The following PKD1L1 variants were observed in gnomAD, a reference collection of about 807,000 sequenced individuals.
PKD1L1 encodes the protein polycystin 1 like 1, transient receptor potential channel interacting, also known as polycystin-1-like protein 1.
Under a neutral mutation model 323.4 loss-of-function variants are expected in PKD1L1, and 236 were observed. That is an observed-to-expected ratio of 0.73 (90% CI 0.66 to 0.81). The LOEUF (loss-of-function observed/expected upper bound fraction) is 0.81. Among genes scored for constraint, PKD1L1 ranks in the 40% least tolerant of loss-of-function variants. PKD1L1 has a pLI of 0.00. For synonymous variants in PKD1L1, 1,344 were observed against 1,335.0 expected, an observed-to-expected ratio of 1.01 and a Z score of -0.15; for missense variants, 3,320 against 3,508.0, an observed-to-expected ratio of 0.95 and a Z score of 1.35.
intron 5 of PKD1L1, 92 bp from the exon 6 acceptor site, chr7:47,931,413 A>G (rs1046141870): frequency 2.0e-5 from 27 of 1,347,514 alleles, no homozygotes; most frequent in African/African-American, 1.3e-4. Flanking sequence ...CCAATTTAAC[A>G]AACAGCCCCA....
chr7:47,904,479 A>G lies in PKD1L1; in HGVS notation c.1830T>C (p.Phe610=), dbSNP rs772887236. 1 of 1,614,152 alleles carries G rather than the reference A, an allele frequency of 6.2e-7. No individual in the cohort carries two copies. Among genetic ancestry groups the G allele is most frequent in the Non-Finnish European group, 8.5e-7 (1 of 1,180,040 alleles). ...CTGTGCCGAAGTTGATCCAGCACTC[A>G]AAGGCCACACTGGCATTTACCAGAG... ...SSALVNASVA[F]ECWINFGTDV... Residue 610 remains phenylalanine (F), a synonymous_variant, in exon 12 of 57, where the codon TTT becomes TTC. Coordinates refer to ENST00000289672, the MANE Select transcript of PKD1L1 (RefSeq NM_138295.5).
At position 47,904,492 on chromosome 7, in the gene PKD1L1, G is replaced by C; in HGVS notation, c.1817C>G (p.Ala606Gly). The C allele has an allele frequency of 6.2e-7, 1 of 1,614,140 alleles. No homozygotes were observed. The highest frequency in any genetic ancestry group is 2.2e-5 in the East Asian group (1 of 44,882). The change falls in exon 12 of 57, where the codon GCC becomes GGC. Residue 606 changes from alanine (A) to glycine (G), a missense_variant. Physicochemically the swap from Ala to Gly is moderately conservative, Grantham distance 60 (BLOSUM62 0). Transcript: ENST00000289672. ...LTSPSSALVNASVAFECWINF... is the reference protein window; with the variant it reads ...LTSPSSALVNGSVAFECWINF... ...GATCCAGCACTCAAAGGCCACACTGGCATTTACCAGAGCTGAGGAGGGGGA... is the reference window on the plus strand; with the variant it reads ...GATCCAGCACTCAAAGGCCACACTGCCATTTACCAGAGCTGAGGAGGGGGA...
At chr7:47,932,791 AG>A (rs1173740298) in intron 4 of PKD1L1, among the ~76,000 whole-genome samples, 1 of 152,220 alleles carries the variant, frequency 6.6e-6, no homozygotes, top group African/African-American at 2.4e-5. Context: ...GGCTGTGGCA[AG>A]GCCAGGCCAG....
chr7:47,881,412 A>G (rs1441618073), intron 20 of PKD1L1, among the ~76,000 whole-genome samples: 1 of 152,238 alleles, frequency 6.6e-6, no homozygotes, highest in African/African-American at 2.4e-5. Context: ...TTATCTAAAA[A>G]TAGTGTGAAA....
Position 47,894,012 on chromosome 7 carries a change from C to T in PKD1L1, c.2319G>A (p.Leu773=). ...SVVYSNYCVG[L]EVRAQAPVSV... is the part of the protein sequence containing the mutation. Reference sequence around the variant, plus strand: ...TGACAGGGGCCTGGGCTCGCACCTCCAGGCCCACACAGTAGTTGCTGTACA... The same window carrying T: ...TGACAGGGGCCTGGGCTCGCACCTCTAGGCCCACACAGTAGTTGCTGTACA... Residue 773 remains leucine, a synonymous_variant, in exon 15 of 57, where the codon CTG becomes CTA. Transcript: ENST00000289672. 5 of 1,607,970 alleles carry T rather than the reference C, an allele frequency of 3.1e-6. No individual in the cohort carries two copies. The highest frequency in any genetic ancestry group is 1.7e-4 in the Middle Eastern group (1 of 6,008).
At chr7:47,792,158 G>A (rs1349478165) in intron 56 of PKD1L1, among the ~76,000 whole-genome samples, 3 of 152,128 alleles carry the variant, frequency 2.0e-5, no homozygotes, top group Non-Finnish European at 4.4e-5. Context: ...TCCAAACCAG[G>A]GGCCTTTGTT....
intron 46 of PKD1L1, 147 bp downstream of exon 46, chr7:47,820,929 A>C: frequency 1.8e-6 from 1 of 571,382 alleles, no homozygotes; most frequent in Non-Finnish European, 3.2e-6. Flanking sequence ...AAAGTCTGTG[A>C]ATGGAAGGGG....
intron 10 of PKD1L1, 84 bp downstream of exon 10, chr7:47,905,759 C>A: frequency 6.4e-7 from 1 of 1,559,338 alleles, no homozygotes; most frequent in Admixed American, 2.1e-5. Context: ...ATAACAAAAC[C>A]TGCTGCTGCC....
intron 21 of PKD1L1, among the ~76,000 whole-genome samples, chr7:47,878,791 C>T (rs894193371): frequency 1.3e-5 from 2 of 152,014 alleles, no homozygotes; most frequent in Admixed American, 6.6e-5. Context: ...CTGAAGAGCA[C>T]GGGAAGGGAG....
rs375403387 is a variant in PKD1L1 at position 47,892,458 on chromosome 7, C to A, written c.2453+1420G>T. Among the ~76,000 whole-genome samples, 11 of 152,124 alleles carry A rather than the reference C, an allele frequency of 7.2e-5. No homozygotes were observed. The South Asian group carries it at 1.7e-3, about 23-fold the overall frequency. On this transcript the variant is annotated intron_variant, in intron 15 of 56. Coordinates refer to ENST00000289672, the MANE Select transcript of PKD1L1 (RefSeq NM_138295.5). ...ATCATCCTCACTGGCACTGTGAGGACGTTGGCTTTTACTCTTGAGTAAAAA... is the reference window on the plus strand; with the variant it reads ...ATCATCCTCACTGGCACTGTGAGGAAGTTGGCTTTTACTCTTGAGTAAAAA...
chr7:47,955,879 TATAAC>T, the PKD1L1 span, among the ~76,000 whole-genome samples: 1 of 152,190 alleles, frequency 6.6e-6, no homozygotes, highest in African/African-American at 2.4e-5. Flanking sequence ...TATTTCCAGT[TATAAC>T]ATACCATTTT....
At chr7:47,830,554 T>C (rs1447574847) in intron 42 of PKD1L1, among the ~76,000 whole-genome samples, 3 of 152,162 alleles carry the variant, frequency 2.0e-5, no homozygotes, top group African/African-American at 7.2e-5. Context: ...AGAATTAAGC[T>C]CTCTGATGTT....
At chr7:47,938,237 C>CA in intron 3 of PKD1L1, among the ~76,000 whole-genome samples, 1 of 152,288 alleles carries the variant, frequency 6.6e-6, no homozygotes, top group East Asian at 1.9e-4. Context: ...AACTACAGGA[C>CA]ATCAGGTGCT....
chr7:47,937,307 C>T (rs1787890402), intron 3 of PKD1L1, among the ~76,000 whole-genome samples: 2 of 151,064 alleles, frequency 1.3e-5, no homozygotes, highest in Non-Finnish European at 2.9e-5. Context: ...CAGAGAAGGC[C>T]GCTGTGTGTG....
intron 50 of PKD1L1, 72 bp downstream of exon 50, chr7:47,811,745 G>C (rs1158071645): frequency 1.6e-6 from 2 of 1,288,202 alleles, no homozygotes; most frequent in Non-Finnish European, 2.2e-6. Flanking sequence ...CTGTCTGGTG[G>C]AGAAGCCCAG....
chr7:47,885,802 TC>T lies in PKD1L1; in HGVS notation c.3088del (p.Glu1030ArgfsTer8), dbSNP rs1786669078. Reference protein sequence around the residue: ...PPAGDSAVLGEAPEEGSLDLE... With the variant: ...PPAGDSAVLGXAPEEGSLDLE... ...GTCTAGTGAACCTTCCTCTGGAGCC[TC>T]CCCCAGGACTGCAGAGTCCCCCGCA... On this transcript the variant is annotated frameshift_variant, in exon 18 of 57. Transcript: ENST00000289672. LOFTEE classifies it high-confidence loss of function. 6.2e-7 allele frequency: 1 copy of T among 1,613,938 alleles called. No individual in the cohort carries two copies. Among genetic ancestry groups the T allele is most frequent in the African/African-American group, 1.3e-5 (1 of 74,900 alleles).
At chr7:47,813,506 A>G (rs1562942246) in intron 48 of PKD1L1, 2 of 709,022 alleles carry the variant, frequency 2.8e-6, no homozygotes, top group Non-Finnish European at 5.1e-6. Flanking sequence ...GAAGGTTGGC[A>G]TCTGAGCTGT....
At chr7:47,777,172 G>T (rs967996216) in intron 56 of PKD1L1, among the ~76,000 whole-genome samples, 4 of 152,180 alleles carry the variant, frequency 2.6e-5, no homozygotes, top group African/African-American at 7.2e-5. Flanking sequence ...GATTACAGGC[G>T]CGAGCCACCA....
intron 56 of PKD1L1, among the ~76,000 whole-genome samples, chr7:47,783,852 A>G (rs1406816406): frequency 6.6e-6 from 1 of 152,230 alleles, no homozygotes; most frequent in Admixed American, 6.5e-5. Context: ...GCAGTATTTT[A>G]CATATTCTTT....
Sources: allele counts gnomAD v4.1 joint callset (sites outside exome capture counted in the v4.1 genomes callset), GRCh38; gene constraint gnomAD v4.1.1; transcripts MANE v1.5; gene names NCBI Gene and HGNC (gene_info 2026-07-23, HGNC 2026-07-21).